Variants in ELAPOR1 observed in about 807,000 individuals in gnomAD.
ELAPOR1 encodes the protein endosome/lysosome-associated apoptosis and autophagy regulator 1.
A neutral mutation model predicts 119.7 loss-of-function variants in ELAPOR1; 77 were observed. The observed-to-expected ratio is 0.64, with a 90% CI of 0.54 to 0.78. The LOEUF is 0.78. Ranked by LOEUF, ELAPOR1 falls within the 30% of genes least tolerant of loss-of-function variation. ELAPOR1 has a pLI of 0.00. For missense variants in ELAPOR1, 1,115 were observed against 1,270.4 expected (o/e 0.88, Z 1.86); for synonymous variants, 481 against 487.2 (o/e 0.99, Z 0.17).
In ELAPOR1 at chr1:109,162,081, C is replaced by T. The variant is rs1461214461; in HGVS notation, c.274+67C>T. On this transcript the variant is annotated intron_variant, in intron 2 of 21. Coordinates refer to ENST00000369939, the MANE Select transcript of ELAPOR1 (RefSeq NM_020775.5). ...TTGGTCTCTCCCCCAAGTCTCCTGC[C>T]ATCCAATCTGGGCCCTTCCTGGCAG... The T allele has an allele frequency of 2.6e-6, 4 of 1,542,804 alleles. No homozygotes were observed. The South Asian group carries it at 3.5e-5, about 13-fold the overall frequency.
chr1:109,196,801 G>C (rs1366267415), intron 15 of ELAPOR1, among the ~76,000 whole-genome samples: 4 of 152,058 alleles, frequency 2.6e-5, no homozygotes. Context: ...TCCTGCCTCA[G>C]CCTCCCGAGT....
chr1:109,157,417 A>G (rs1650949912), intron 1 of ELAPOR1, among the ~76,000 whole-genome samples: 1 of 152,138 alleles, frequency 6.6e-6, no homozygotes, highest in Admixed American at 6.5e-5. Context: ...CATCTTAATC[A>G]TGCTCACAGA....
In ELAPOR1 at chr1:109,188,227, T is replaced by C. The variant is rs1653182477; in HGVS notation, c.1092T>C (p.Leu364=). The change falls in exon 9 of 22, where the codon CTT becomes CTC. Residue 364 remains leucine, a synonymous_variant. Coordinates refer to ENST00000369939, the MANE Select transcript of ELAPOR1 (RefSeq NM_020775.5). ...WAKPKICSED[L]EGAVKLPASG... is the part of the protein sequence containing the mutation. ...AGCCGAAAATCTGTAGCGAGGACCT[T>C]GAGGGGGCAGTGAAGCTGCCTGCCT... is the stretch of plus-strand genomic sequence containing the variant. The C allele has an allele frequency of 6.2e-7, 1 of 1,613,956 alleles. No individual in the cohort carries two copies. Among genetic ancestry groups the C allele is most frequent in the Non-Finnish European group, 8.5e-7 (1 of 1,179,804 alleles).
chr1:109,183,066 T>A (rs897143033), intron 7 of ELAPOR1, among the ~76,000 whole-genome samples: 41 of 152,276 alleles, frequency 2.7e-4, no homozygotes, highest in East Asian at 1.3e-3. Flanking sequence ...GGAAGTAAAT[T>A]CCCTAGAAAA....
intron 1 of ELAPOR1, among the ~76,000 whole-genome samples, chr1:109,134,366 C>G (rs1328412017): frequency 6.6e-6 from 1 of 152,062 alleles, no homozygotes; most frequent in African/African-American, 2.4e-5. Flanking sequence ...CAGGTGGAGC[C>G]CAATGGTGAA....
At chr1:109,175,629 C>A (rs1652223964) in intron 7 of ELAPOR1, among the ~76,000 whole-genome samples, 1 of 150,328 alleles carries the variant, frequency 6.7e-6, no homozygotes, top group Non-Finnish European at 1.5e-5. Context: ...GAGTTCAAGA[C>A]CAGGCTGGCC....
chr1:109,165,958 C>G (rs1651575144), intron 3 of ELAPOR1, among the ~76,000 whole-genome samples: 1 of 151,700 alleles, frequency 6.6e-6, no homozygotes, highest in Admixed American at 6.6e-5. Flanking sequence ...CTCTGTCACC[C>G]AGGCTGGAAT....
At chr1:109,201,277 AG>A (rs1483457918) in intron 21 of ELAPOR1, 1 of 456,146 alleles carries the variant, frequency 2.2e-6, no homozygotes, top group African/African-American at 2.0e-5. Flanking sequence ...TTCTGATAGA[AG>A]TCAGGCTCTC....
intron 19 of ELAPOR1, 28 bp from the exon 20 acceptor site, chr1:109,200,031 C>G: frequency 1.2e-6 from 2 of 1,613,224 alleles, no homozygotes; most frequent in South Asian, 1.1e-5. Context: ...AATGGGAGAT[C>G]TGAGTTCCTT....
chr1:109,154,752 G>C (rs907432855), intron 1 of ELAPOR1, among the ~76,000 whole-genome samples: 2 of 152,230 alleles, frequency 1.3e-5, no homozygotes, highest in African/African-American at 4.8e-5. Flanking sequence ...CCAGTCATCC[G>C]TGTCTTCTTA....
chr1:109,184,019 T>C (rs1652901850), intron 7 of ELAPOR1, among the ~76,000 whole-genome samples: 1 of 152,006 alleles, frequency 6.6e-6, no homozygotes, highest in Non-Finnish European at 1.5e-5. Flanking sequence ...ATTGTACCAC[T>C]GCAGTCCAGC....
In ELAPOR1 at chr1:109,164,582, A is replaced by G. The variant is rs1360322105; in HGVS notation, c.358A>G (p.Thr120Ala). The G allele has an allele frequency of 1.2e-6, 2 of 1,614,242 alleles. No individual in the cohort carries two copies. The highest frequency in any genetic ancestry group is 8.5e-7 in the Non-Finnish European group (1 of 1,180,028). ...CGCTGAGGGCCGCTACTCCCTCGGC[A>G]CAGGCATTCGGTTTGATGAGTGGGA... The part of the protein sequence containing the change: ...PCAEGRYSLG[T>A]GIRFDEWDEL... Residue 120 changes from threonine (T) to alanine (A), a missense_variant, in exon 3 of 22, where the codon ACA becomes GCA. By Grantham distance (58) the Thr-to-Ala change is moderately conservative. Transcript: ENST00000369939.
intron 3 of ELAPOR1, among the ~76,000 whole-genome samples, chr1:109,171,202 A>T (rs1651900224): frequency 6.6e-6 from 1 of 152,150 alleles, no homozygotes; most frequent in Non-Finnish European, 1.5e-5. Flanking sequence ...ATAAATCATG[A>T]ATATAAAGCA....
intron 1 of ELAPOR1, among the ~76,000 whole-genome samples, chr1:109,135,486 G>A (rs890783713): frequency 2.0e-5 from 3 of 152,038 alleles, no homozygotes; most frequent in Admixed American, 6.6e-5. Context: ...CTTGCGATCC[G>A]CCCACCCTGG....
intron 1 of ELAPOR1, among the ~76,000 whole-genome samples, chr1:109,120,474 G>A (rs1465387241): frequency 1.3e-5 from 2 of 152,102 alleles, no homozygotes; most frequent in South Asian, 2.1e-4. Flanking sequence ...ATGAGGACAC[G>A]TAGACAGCAC....
At chr1:109,156,654 G>A (rs371534406) in intron 1 of ELAPOR1, among the ~76,000 whole-genome samples, 1 of 152,174 alleles carries the variant, frequency 6.6e-6, no homozygotes, top group East Asian at 1.9e-4. Flanking sequence ...TGGTTGGGGG[G>A]CACCAAGGCC....
At chr1:109,165,746 TTC>T (rs1651557291) in intron 3 of ELAPOR1, among the ~76,000 whole-genome samples, 1 of 111,694 alleles carries the variant, frequency 9.0e-6, no homozygotes, top group African/African-American at 4.5e-5. Context: ...CTTCTTCTTC[TTC>T]TTTTTTTTTT....
At chr1:109,137,432 G>T (rs909898936) in intron 1 of ELAPOR1, among the ~76,000 whole-genome samples, 1 of 152,088 alleles carries the variant, frequency 6.6e-6, no homozygotes, top group African/African-American at 2.4e-5. Context: ...TCGAACTCCT[G>T]ACCTCAAGTG....
chr1:109,130,501 T>TTTTA (rs1649093587), intron 1 of ELAPOR1, among the ~76,000 whole-genome samples: 1 of 149,758 alleles, frequency 6.7e-6, no homozygotes, highest in African/African-American at 2.5e-5. Flanking sequence ...ATTTTTAAAA[T>TTTTA]TATATATATA....
Sources: gnomAD v4.1 joint callset for allele counts (sites outside exome capture counted in the v4.1 genomes callset) on GRCh38, gnomAD v4.1.1 for gene constraint, MANE v1.5 for transcripts, NCBI Gene and HGNC (gene_info 2026-07-23, HGNC 2026-07-21) for gene names.